Variants in TEAD1 observed in about 807,000 individuals in gnomAD.
The protein encoded by TEAD1 is TEA domain transcription factor 1, also known as transcriptional enhancer factor TEF-1.
In TEAD1, 9 loss-of-function variants were observed where a neutral mutation model predicts 54.9. The observed-to-expected ratio is 0.16, with a 90% CI of 0.10 to 0.29. The LOEUF (loss-of-function observed/expected upper bound fraction) is 0.29, where lower values mean the gene tolerates loss of function less well. Among genes scored for constraint, TEAD1 ranks in the 10% least tolerant of loss-of-function variants. The pLI is 1.00. For synonymous variants in TEAD1, 200 were observed against 187.8 expected, an observed-to-expected ratio of 1.07 and a Z score of -0.53; for missense variants, 387 against 535.9, an observed-to-expected ratio of 0.72 and a Z score of 2.74.
chr11:12,730,424 T>G (rs1442293059), intron 2 of TEAD1, among the ~76,000 whole-genome samples: 1 of 145,700 alleles, frequency 6.9e-6, no homozygotes, highest in African/African-American at 2.5e-5. Context: ...GTGTTTTTTT[T>G]TTTTTTTTTT....
chr11:12,930,718 G>A (rs771748068), intron 12 of TEAD1, among the ~76,000 whole-genome samples: 2 of 151,856 alleles, frequency 1.3e-5, no homozygotes, highest in African/African-American at 2.4e-5. Flanking sequence ...TTTAAGTTCC[G>A]CAGGTAATTT....
intron 3 of TEAD1, among the ~76,000 whole-genome samples, chr11:12,784,705 G>T (rs535140290): frequency 6.6e-6 from 1 of 152,186 alleles, no homozygotes; most frequent in Non-Finnish European, 1.5e-5. Flanking sequence ...GTTCCTTTCT[G>T]TGGCCCCCTA....
chr11:12,876,159 G>T (rs917826891), intron 5 of TEAD1, among the ~76,000 whole-genome samples: 3 of 152,152 alleles, frequency 2.0e-5, no homozygotes, highest in Non-Finnish European at 4.4e-5. Flanking sequence ...GGTAATGAGA[G>T]AGTCAAACCT....
At chr11:12,803,516 A>T (rs1291158526) in intron 3 of TEAD1, among the ~76,000 whole-genome samples, 2 of 152,230 alleles carry the variant, frequency 1.3e-5, no homozygotes, top group East Asian at 1.9e-4. Flanking sequence ...GATAATTTTC[A>T]TAGCTTTCAT....
intron 2 of TEAD1, among the ~76,000 whole-genome samples, chr11:12,762,380 C>A (rs1198604734): frequency 2.6e-5 from 4 of 151,996 alleles, no homozygotes; most frequent in Admixed American, 2.0e-4. Context: ...ACTCTTAGAT[C>A]GTAACGAAAA....
At chr11:12,760,830 G>A (rs1945087650) in intron 2 of TEAD1, among the ~76,000 whole-genome samples, 1 of 152,176 alleles carries the variant, frequency 6.6e-6, no homozygotes, top group South Asian at 2.1e-4. Flanking sequence ...GGAGTGCCAG[G>A]ATGGTTATTT....
chr11:12,713,229 A>G (rs991162397), intron 2 of TEAD1, among the ~76,000 whole-genome samples: 4 of 152,122 alleles, frequency 2.6e-5, no homozygotes, highest in African/African-American at 9.7e-5. Flanking sequence ...CATGTTGCCC[A>G]GGATAGTCTC....
chr11:12,764,565 T>G, intron 3 of TEAD1, 131 bp downstream of exon 3: 1 of 1,111,228 alleles, frequency 9.0e-7, no homozygotes, highest in Non-Finnish European at 1.3e-6. Context: ...TTTTAGTGGG[T>G]CATCCAAAGG....
rs1945416064 is a variant in TEAD1, at chr11:12,776,233, AT to A, written c.202+11800del. Among the ~76,000 whole-genome samples the A allele has an allele frequency of 2.0e-5, 3 of 152,340 alleles. No individual in the cohort carries two copies. In the South Asian group the frequency reaches 6.2e-4, roughly 32 times the overall value. On this transcript the variant is annotated intron_variant, in intron 3 of 12. Coordinates refer to ENST00000527636, the MANE Select transcript of TEAD1 (RefSeq NM_021961.6). ...GTCAGCTGGCCCAGCTCAGAGACGC[AT>A]AATTCCAACATTCATGTATTATGGT...
chr11:12,728,600 G>C (rs915247142), intron 2 of TEAD1, among the ~76,000 whole-genome samples: 1 of 152,114 alleles, frequency 6.6e-6, no homozygotes, highest in South Asian at 2.1e-4. Flanking sequence ...TCATCCCTTC[G>C]GGCTAGTCTT....
chr11:12,936,448 C>T (rs1246873098), intron 12 of TEAD1, among the ~76,000 whole-genome samples: 2 of 152,224 alleles, frequency 1.3e-5, no homozygotes, highest in African/African-American at 4.8e-5. Flanking sequence ...GGTCTAGGCA[C>T]TACTGGTTAA....
chr11:12,816,789 G>A (rs1946425488), intron 3 of TEAD1, among the ~76,000 whole-genome samples: 1 of 152,130 alleles, frequency 6.6e-6, no homozygotes, highest in South Asian at 2.1e-4. Flanking sequence ...CCTGGTTCCT[G>A]CTCTTAAGAT....
chr11:12,860,502 G>A (rs543432343), intron 3 of TEAD1, among the ~76,000 whole-genome samples: 5 of 152,142 alleles, frequency 3.3e-5, no homozygotes, highest in Admixed American at 6.6e-5. Flanking sequence ...GAGAGTCTTC[G>A]CAATTCTCAG....
At position 12,774,242 on chromosome 11, in the gene TEAD1, G is replaced by A. The variant is rs146062402; in HGVS notation, c.202+9808G>A. Reference sequence around the variant, plus strand: ...AGTTTCGAGGTGTGGCCACAAATACGGTCAACTGATGTGAATGTGGGCGAT... The same window carrying A: ...AGTTTCGAGGTGTGGCCACAAATACAGTCAACTGATGTGAATGTGGGCGAT... On this transcript the variant is annotated intron_variant, in intron 3 of 12. Transcript: ENST00000527636. 5.6e-3 allele frequency among the ~76,000 whole-genome samples: 853 copies of A among 152,236 alleles called. 3 individuals carry two copies. Among genetic ancestry groups the A allele is most frequent in the Non-Finnish European group, 0.01 (682 of 68,012 alleles).
At position 12,727,745 on chromosome 11, in the gene TEAD1, C is replaced by T. The variant is rs545097547; in HGVS notation, c.-54-36434C>T. ...GTGGGAGTGGATCTGTGTGAGATGC[C>T]GTAGATAAGAAAATTCCTTTTCTGT... On this transcript the variant is annotated intron_variant, in intron 2 of 12. Transcript: ENST00000527636. Among the ~76,000 whole-genome samples, 18 of 152,086 alleles carry T rather than the reference C, an allele frequency of 1.2e-4. No individual in the cohort carries two copies. In the South Asian group the frequency reaches 1.3e-3, roughly 11 times the overall value.
chr11:12,913,844 T>C (rs188380855), intron 10 of TEAD1, among the ~76,000 whole-genome samples: 12 of 152,360 alleles, frequency 7.9e-5, no homozygotes, highest in African/African-American at 2.4e-4. Context: ...GGGGTTGTTA[T>C]TGTTGTTCTA....
intron 2 of TEAD1, among the ~76,000 whole-genome samples, chr11:12,740,688 A>G (rs1944632760): frequency 6.6e-6 from 1 of 152,174 alleles, no homozygotes; most frequent in Non-Finnish European, 1.5e-5. Flanking sequence ...GTGAGAACTC[A>G]TTCACTATCA....
rs545137526 is a variant in TEAD1, at chr11:12,766,036, G to A, written c.202+1602G>A. 1.3e-3 allele frequency among the ~76,000 whole-genome samples: 191 copies of A among 152,236 alleles called. 1 individual carries two copies. Among genetic ancestry groups the A allele is most frequent in the African/African-American group, 4.4e-3 (184 of 41,544 alleles). ...GATGATTTTATTATGGGTAGTGAAG[G>A]GTAGCCTTGGGACACTACCTTGTAC... On this transcript the variant is annotated intron_variant, in intron 3 of 12. Transcript: ENST00000527636.
At chr11:12,744,814 C>T (rs746647587) in intron 2 of TEAD1, among the ~76,000 whole-genome samples, 5 of 152,114 alleles carry the variant, frequency 3.3e-5, no homozygotes, top group African/African-American at 7.2e-5. Context: ...GCTGCTGACT[C>T]GGTGGGATAA....
Sources: gnomAD v4.1 joint callset for allele counts (sites outside exome capture counted in the v4.1 genomes callset) on GRCh38, gnomAD v4.1.1 for gene constraint, MANE v1.5 for transcripts, NCBI Gene and HGNC (gene_info 2026-07-23, HGNC 2026-07-21) for gene names.